The following GALNTL6 variants were observed in gnomAD, a reference collection of about 807,000 sequenced individuals.
GALNTL6 encodes the protein polypeptide N-acetylgalactosaminyltransferase-like 6.
In GALNTL6, 46 loss-of-function variants were observed where a neutral mutation model predicts 73.7. The observed-to-expected ratio is 0.62, with a 90% CI of 0.49 to 0.80. The LOEUF is 0.80. Among genes scored for constraint, GALNTL6 ranks in the 30% least tolerant of loss-of-function variants. The pLI is 0.00. For missense variants in GALNTL6, 604 were observed against 755.0 expected (o/e 0.80, Z 2.34); for synonymous variants, 259 against 263.7 (o/e 0.98, Z 0.17).
intron 3 of GALNTL6, among the ~76,000 whole-genome samples, chr4:172,298,456 T>C (rs1739773396): frequency 6.6e-6 from 1 of 152,142 alleles, no homozygotes; most frequent in African/African-American, 2.4e-5. Context: ...ATGCTTCCAG[T>C]TTTTGCCCAT....
intron 2 of GALNTL6, among the ~76,000 whole-genome samples, chr4:172,158,583 T>C (rs556202945): frequency 6.6e-6 from 1 of 152,020 alleles, no homozygotes; most frequent in Non-Finnish European, 1.5e-5. Context: ...TGACAGTCAC[T>C]GATCCAACAG....
At position 171,962,767 on chromosome 4, in the gene GALNTL6, T is replaced by TTTTTG. The variant is rs1279655420; in HGVS notation, c.138+148053_138+148054insGTTTT. Among the ~76,000 whole-genome samples, 7 of 138,354 alleles carry TTTTTG rather than the reference T, an allele frequency of 5.1e-5. 1 individual carries two copies. The highest frequency in any genetic ancestry group is 1.9e-4 in the African/African-American group (7 of 37,074). 90.8% of individuals were successfully genotyped at this position (138,354 alleles called of 152,430 possible). On this transcript the variant is annotated intron_variant, in intron 2 of 12. Coordinates refer to ENST00000506823, the MANE Select transcript of GALNTL6 (RefSeq NM_001034845.3). ...CTTTCTTAATAAGCTTGCTTTTACT[T>TTTTTG]TTTTTTTTTTTTTTTTGTGAGATGA...
At chr4:172,488,751 G>T (rs893994940) in intron 5 of GALNTL6, among the ~76,000 whole-genome samples, 7 of 150,946 alleles carry the variant, frequency 4.6e-5, no homozygotes, top group African/African-American at 1.7e-4. Context: ...AAGCGTCAAA[G>T]AATTTACAGA....
At chr4:172,981,401 C>A (rs1309705444) in intron 10 of GALNTL6, among the ~76,000 whole-genome samples, 2 of 152,154 alleles carry the variant, frequency 1.3e-5, no homozygotes, top group Admixed American at 6.6e-5. Context: ...TAACAGCCAT[C>A]CTAATGAATG....
At chr4:172,583,920 A>AAAAAAAAAAAAAAAAAAAAAAAT (rs1553962815) in intron 5 of GALNTL6, among the ~76,000 whole-genome samples, 1 of 135,498 alleles carries the variant, frequency 7.4e-6, no homozygotes. Context: ...AAAAAAAAAA[A>AAAAAAAAAAAAAAAAAAAAAAAT]TCAGATGCTG....
intron 3 of GALNTL6, among the ~76,000 whole-genome samples, chr4:172,293,747 A>C (rs903131445): frequency 6.6e-6 from 1 of 151,594 alleles, no homozygotes; most frequent in South Asian, 2.1e-4. Context: ...ATATATTACT[A>C]TACAAAACAT....
intron 5 of GALNTL6, among the ~76,000 whole-genome samples, chr4:172,629,391 A>T (rs1739295580): frequency 6.6e-6 from 1 of 152,148 alleles, no homozygotes; most frequent in Non-Finnish European, 1.5e-5. Context: ...AAAATGCAGA[A>T]TTTCTCATGT....
chr4:172,790,504 C>T (rs564043092), intron 5 of GALNTL6, among the ~76,000 whole-genome samples: 31 of 152,288 alleles, frequency 2.0e-4, no homozygotes, highest in East Asian at 3.9e-4. Context: ...CAGAAACTAA[C>T]GCCATGGTGC....
At chr4:172,791,804 A>C (rs977099879) in intron 5 of GALNTL6, among the ~76,000 whole-genome samples, 1 of 152,222 alleles carries the variant, frequency 6.6e-6, no homozygotes. Flanking sequence ...AGAAAAAAAA[A>C]GTTAATTTCT....
intron 2 of GALNTL6, among the ~76,000 whole-genome samples, chr4:172,179,512 T>C (rs1452208577): frequency 7.1e-6 from 1 of 140,158 alleles, no homozygotes; most frequent in East Asian, 1.9e-4. Context: ...TGTTTGTTTT[T>C]TTCTTGTAAA....
At chr4:172,498,050 A>C (rs868529661) in intron 5 of GALNTL6, among the ~76,000 whole-genome samples, 1 of 130,730 alleles carries the variant, frequency 7.6e-6, no homozygotes, top group Non-Finnish European at 1.5e-5. Context: ...GAGTGCAGTG[A>C]CGCAATCTCA....
At chr4:172,848,872 G>A (rs1329541841) in intron 7 of GALNTL6, among the ~76,000 whole-genome samples, 1 of 152,170 alleles carries the variant, frequency 6.6e-6, no homozygotes, top group Non-Finnish European at 1.5e-5. Context: ...GCTACTGGAA[G>A]ACTGAGAGCA....
intron 2 of GALNTL6, among the ~76,000 whole-genome samples, chr4:172,168,214 A>G (rs1042038302): frequency 6.6e-6 from 1 of 152,150 alleles, no homozygotes; most frequent in African/African-American, 2.4e-5. Context: ...CCATTTGAAG[A>G]TGTATTAAAA....
chr4:172,924,449 G>A (rs1356075335), intron 8 of GALNTL6, among the ~76,000 whole-genome samples: 1 of 152,176 alleles, frequency 6.6e-6, no homozygotes, highest in Non-Finnish European at 1.5e-5. Flanking sequence ...TGCTCACTAC[G>A]TATTTGTTCA....
chr4:172,775,173 G>T (rs1739004553), intron 5 of GALNTL6, among the ~76,000 whole-genome samples: 1 of 151,978 alleles, frequency 6.6e-6, no homozygotes, highest in Non-Finnish European at 1.5e-5. Flanking sequence ...AAGTATAGTT[G>T]TACAACTATT....
intron 2 of GALNTL6, among the ~76,000 whole-genome samples, chr4:171,883,748 C>T (rs1366889915): frequency 1.3e-5 from 2 of 151,576 alleles, no homozygotes; most frequent in Non-Finnish European, 2.9e-5. Context: ...CCCGGGTTCA[C>T]GCCATTCTCC....
In GALNTL6 at chr4:172,952,331, G is replaced by A. The variant is rs146723167; in HGVS notation, c.1371+73G>A. On this transcript the variant is annotated intron_variant, in intron 10 of 12. Coordinates refer to ENST00000506823, the MANE Select transcript of GALNTL6 (RefSeq NM_001034845.3). ...CCTCCCCCATAGCCTCAGGTGGTGG[G>A]AGGGACTGCTAAAACCTTCACTTTT... The A allele has an allele frequency of 2.9e-5, 30 of 1,045,744 alleles. No homozygotes were observed. In the African/African-American group the frequency reaches 3.8e-4, roughly 13 times the overall value. The allele number at this position is 1,045,744 out of a possible 1,614,324, so 64.8% of individuals were successfully genotyped here.
intron 5 of GALNTL6, among the ~76,000 whole-genome samples, chr4:172,509,924 G>A (rs1734426555): frequency 1.8e-5 from 1 of 54,450 alleles, no homozygotes; most frequent in African/African-American, 4.6e-5. Context: ...GGCTATGTGG[G>A]CTCTTTTTTG....
chr4:171,838,468 T>C (rs1277630240), intron 2 of GALNTL6, among the ~76,000 whole-genome samples: 2 of 152,046 alleles, frequency 1.3e-5, no homozygotes, highest in Non-Finnish European at 2.9e-5. Flanking sequence ...AGACAATAAA[T>C]ATTTTATTGT....
Sources: gnomAD v4.1 joint callset for allele counts (sites outside exome capture counted in the v4.1 genomes callset) on GRCh38, gnomAD v4.1.1 for gene constraint, MANE v1.5 for transcripts, NCBI Gene and HGNC (gene_info 2026-07-23, HGNC 2026-07-21) for gene names.